WDPCP: variants seen among roughly 807,000 people sequenced by gnomAD.
WDPCP encodes the protein WD repeat-containing and planar cell polarity effector protein fritz homolog.
A neutral mutation model predicts 93.1 loss-of-function variants in WDPCP; 71 were observed. That is an observed-to-expected ratio of 0.76 (90% CI 0.63 to 0.93). WDPCP has a LOEUF of 0.93. Among genes scored for constraint, WDPCP ranks in the 40% least tolerant of loss-of-function variants. WDPCP has a pLI of 0.00. For missense variants in WDPCP, 844 were observed against 887.4 expected (o/e 0.95, Z 0.62); for synonymous variants, 315 against 315.0 (o/e 1.00, Z 0.00).
chr2:63,451,614 T>C (rs1024870332), intron 6 of WDPCP, among the ~76,000 whole-genome samples: 14 of 152,172 alleles, frequency 9.2e-5, no homozygotes, highest in African/African-American at 3.1e-4. Context: ...ATCATCCTGA[T>C]ACCAAAGCCT....
At chr2:63,279,442 C>A (rs1451656098) in intron 13 of WDPCP, among the ~76,000 whole-genome samples, 1 of 152,170 alleles carries the variant, frequency 6.6e-6, no homozygotes, top group African/African-American at 2.4e-5. Flanking sequence ...GCAAAGTCAG[C>A]ATAGAAGGGA....
At chr2:63,615,954 G>T (rs1709667686) in intron 3 of WDPCP, among the ~76,000 whole-genome samples, 2 of 152,160 alleles carry the variant, frequency 1.3e-5, no homozygotes, top group Admixed American at 1.3e-4. Context: ...AATATTCTCA[G>T]GCTTGAGCTG....
intron 9 of WDPCP, among the ~76,000 whole-genome samples, chr2:63,429,984 C>T (rs1361280953): frequency 3.7e-5 from 3 of 81,446 alleles, no homozygotes; most frequent in Non-Finnish European, 5.2e-5. Flanking sequence ...TATACACACA[C>T]ACACACACAC....
At chr2:63,632,263 A>C (rs1709872193) in intron 3 of WDPCP, among the ~76,000 whole-genome samples, 1 of 152,176 alleles carries the variant, frequency 6.6e-6, no homozygotes, top group Non-Finnish European at 1.5e-5. Context: ...ACATGAGAAC[A>C]ACAACAACAA....
At chr2:63,594,175 C>CACTAGATCT (rs1709257732) in intron 3 of WDPCP, 2 of 498,482 alleles carry the variant, frequency 4.0e-6, no homozygotes, top group Non-Finnish European at 7.9e-6. Flanking sequence ...TAGTGGCTGC[C>CACTAGATCT]AGGGTTTGGA....
intron 15 of WDPCP, among the ~76,000 whole-genome samples, chr2:63,154,315 C>G (rs1672084051): frequency 6.6e-6 from 1 of 152,026 alleles, no homozygotes; most frequent in African/African-American, 2.4e-5. Flanking sequence ...AGTCACACCC[C>G]CTCAACCTAT....
At chr2:63,369,435 G>T in intron 12 of WDPCP, 1 of 456,578 alleles carries the variant, frequency 2.2e-6, no homozygotes, top group South Asian at 1.5e-5. Flanking sequence ...TATAAAAGTG[G>T]TCCTCTACCC....
In WDPCP at chr2:63,271,479, A is replaced by C. The variant is rs191578719; in HGVS notation, c.1813-12070T>G. ...CTGCTGGTGCCCACATGTACCACTGAGGAGCCTGAGAATAGGTCTCCCCTG... is the reference window on the plus strand; with the variant it reads ...CTGCTGGTGCCCACATGTACCACTGCGGAGCCTGAGAATAGGTCTCCCCTG... On this transcript the variant is annotated intron_variant, in intron 13 of 17. Coordinates refer to ENST00000272321, the MANE Select transcript of WDPCP (RefSeq NM_015910.7). Among the ~76,000 whole-genome samples, 8 of 152,266 alleles carry C rather than the reference A, an allele frequency of 5.3e-5. No individual in the cohort carries two copies. In the East Asian group the frequency reaches 1.6e-3, roughly 30 times the overall value.
At chr2:63,197,754 C>T (rs1165945633) in intron 14 of WDPCP, among the ~76,000 whole-genome samples, 3 of 152,182 alleles carry the variant, frequency 2.0e-5, no homozygotes, top group African/African-American at 7.2e-5. Flanking sequence ...ACTTGTTTCA[C>T]TTAATATAAT....
chr2:63,687,500 T>A (rs1340257061), intron 2 of WDPCP, among the ~76,000 whole-genome samples: 1 of 151,890 alleles, frequency 6.6e-6, no homozygotes, highest in Non-Finnish European at 1.5e-5. Flanking sequence ...AATCTAATAA[T>A]CCCATCAAAG....
At chr2:63,627,351 TC>T (rs1386390688) in intron 3 of WDPCP, among the ~76,000 whole-genome samples, 1 of 152,230 alleles carries the variant, frequency 6.6e-6, no homozygotes, top group Non-Finnish European at 1.5e-5. Flanking sequence ...AAACTTCTTT[TC>T]GTTCTTTAAA....
chr2:63,536,757 T>C (rs1277220061), intron 1 of WDPCP, among the ~76,000 whole-genome samples: 1 of 145,558 alleles, frequency 6.9e-6, no homozygotes, highest in Admixed American at 7.0e-5. Flanking sequence ...ATGGTAAAAA[T>C]CTCAGATTCT....
In WDPCP at chr2:63,741,113, G is replaced by A. The variant is rs1252532733; in HGVS notation, n.308+72509C>T. On this transcript the variant is annotated intron_variant and non_coding_transcript_variant, in intron 2 of 4. Coordinates refer to the WDPCP transcript ENST00000467687. ...TTTCTGGATAATGTCTGCCTTTAGG[G>A]AAGGAAGCTGGAATTTTCTGGATAA... is the stretch of plus-strand genomic sequence containing the variant. Among the ~76,000 whole-genome samples the A allele has an allele frequency of 2.0e-5, 3 of 152,242 alleles. No individual in the cohort carries two copies. The East Asian group carries it at 5.8e-4, about 29-fold the overall frequency.
intron 1 of WDPCP, among the ~76,000 whole-genome samples, chr2:63,575,335 G>GGTATATACTGTATATGGTATATACA (rs1336525974): frequency 0.015 from 1,925 of 128,648 alleles, 80 homozygotes; most frequent in East Asian, 0.055. Context: ...CAGTATATAT[G>GGTATATACTGTATATGGTATATACA]GTATATACTG....
chr2:63,223,963 A>G (rs1448863223), intron 14 of WDPCP, among the ~76,000 whole-genome samples: 1 of 152,016 alleles, frequency 6.6e-6, no homozygotes, highest in Non-Finnish European at 1.5e-5. Flanking sequence ...GATTTCCAGC[A>G]CTGTAAGTCT....
At chr2:63,331,312 CTTGA>C (rs1052192079) in intron 12 of WDPCP, among the ~76,000 whole-genome samples, 3 of 152,102 alleles carry the variant, frequency 2.0e-5, no homozygotes, top group Non-Finnish European at 4.4e-5. Context: ...CTGATGTTAA[CTTGA>C]TTATTTTTAC....
chr2:63,239,628 T>C (rs1679702628), intron 14 of WDPCP, among the ~76,000 whole-genome samples: 1 of 152,154 alleles, frequency 6.6e-6, no homozygotes, highest in Admixed American at 6.6e-5. Context: ...ATGTAAAATA[T>C]CTGTAAGAGG....
At chr2:63,749,709 A>C (rs1210388878) in intron 2 of WDPCP, among the ~76,000 whole-genome samples, 2 of 152,110 alleles carry the variant, frequency 1.3e-5, no homozygotes, top group African/African-American at 2.4e-5. Context: ...TTCAACTTTC[A>C]ATGGGTGTAT....
intron 5 of WDPCP, 78 bp downstream of exon 5, chr2:63,484,839 T>C: frequency 6.5e-7 from 1 of 1,542,364 alleles, no homozygotes; most frequent in Non-Finnish European, 8.9e-7. Context: ...GTTGATCCTT[T>C]ATGAAAATTA....
Sources: allele counts gnomAD v4.1 joint callset (sites outside exome capture counted in the v4.1 genomes callset), GRCh38; gene constraint gnomAD v4.1.1; transcripts MANE v1.5; gene names NCBI Gene and HGNC (gene_info 2026-07-23, HGNC 2026-07-21).